Variants in FAM107B observed in about 807,000 individuals in gnomAD.
FAM107B encodes family with sequence similarity 107 member B.
A neutral mutation model predicts 31.5 loss-of-function variants in FAM107B; 21 were observed. That is an observed-to-expected ratio of 0.67 (90% CI 0.47 to 0.96). The LOEUF is 0.96. Among genes scored for constraint, FAM107B ranks in the 40% least tolerant of loss-of-function variants. FAM107B has a pLI of 0.00. For missense variants in FAM107B, 452 were observed against 377.1 expected, an observed-to-expected ratio of 1.20 and a Z score of -1.64; for synonymous variants, 157 against 141.5, an observed-to-expected ratio of 1.11 and a Z score of -0.78.
chr10:14,628,669 G>C (rs1346652296), intron 2 of FAM107B, among the ~76,000 whole-genome samples: 1 of 152,140 alleles, frequency 6.6e-6, no homozygotes, highest in Non-Finnish European at 1.5e-5. Flanking sequence ...CAAACTCACA[G>C]TATTATTTGT....
intron 1 of FAM107B, among the ~76,000 whole-genome samples, chr10:14,696,630 C>G (rs1855272167): frequency 6.6e-6 from 1 of 152,112 alleles, no homozygotes; most frequent in African/African-American, 2.4e-5. Flanking sequence ...TCATCTGGTC[C>G]TGGGATTTTC....
chr10:14,634,612 A>G lies in FAM107B; in HGVS notation c.469+33022T>C, dbSNP rs868150862. Among the ~76,000 whole-genome samples, 4 of 151,946 alleles carry G rather than the reference A, an allele frequency of 2.6e-5. No homozygotes were observed. The South Asian group carries it at 6.2e-4, about 24-fold the overall frequency. ...CTTAAAAAAAGAAAAAAGAAAAAAA[A>G]CCCCAAAACCAACTACTTGAGTGAC... On this transcript the variant is annotated intron_variant, in intron 2 of 4. Coordinates refer to ENST00000181796, the MANE Select transcript of FAM107B (RefSeq NM_031453.4).
intron 1 of FAM107B, among the ~76,000 whole-genome samples, chr10:14,693,576 A>G (rs1361255924): frequency 1.3e-5 from 2 of 152,132 alleles, no homozygotes; most frequent in East Asian, 1.9e-4. Flanking sequence ...TACCTCACAT[A>G]GTTACTCTTT....
In FAM107B at chr10:14,774,467, T is replaced by C. The variant is rs942579653; in HGVS notation, c.197A>G (p.His66Arg). The C allele has an allele frequency of 1.9e-6, 3 of 1,614,016 alleles. No individual in the cohort carries two copies. The highest frequency in any genetic ancestry group is 2.7e-5 in the African/African-American group (2 of 74,900). The stretch of plus-strand genomic sequence containing the variant: ...CTCTGGAGCTCCTTCTGCGCTTGGG[T>C]GTCTTGGCTGTCTGCCTGCTTTGGC... ...PVAKAGRQPRHPSAEGAPEKR... is the reference protein window; with the variant it reads ...PVAKAGRQPRRPSAEGAPEKR... The change falls in exon 1 of 5, where the codon CAC becomes CGC. Residue 66 changes from histidine (H) to arginine (R), a missense_variant. Physicochemically the swap from His to Arg is conservative, Grantham distance 29. Transcript: ENST00000181796.
intron 2 of FAM107B, among the ~76,000 whole-genome samples, chr10:14,543,898 T>C (rs1162601726): frequency 6.6e-6 from 1 of 152,106 alleles, no homozygotes; most frequent in Non-Finnish European, 1.5e-5. Flanking sequence ...GCCCTACAGC[T>C]CTTGTCCCAC....
In FAM107B at chr10:14,767,024, GTATATATATATATATATATA is replaced by G. The variant is rs369321562; in HGVS notation, c.411+7209_411+7228del. Among the ~76,000 whole-genome samples the G allele has an allele frequency of 5.5e-4, 9 of 16,242 alleles. 1 individual carries two copies. The highest frequency in any genetic ancestry group is 0.014 in the South Asian group (2 of 144). The allele number at this position is 16,242 out of a possible 152,430, so 10.7% of individuals were successfully genotyped here. A position where few individuals can be genotyped will look rare whatever the true frequency, so the allele number is the denominator to read the frequency against. On this transcript the variant is annotated intron_variant, in intron 1 of 4. Transcript: ENST00000181796. Reference sequence around the variant, plus strand: ...GCAGAACAATATCCCTGATGTGTATGTATATATATATATATATATATATATATATATAGAGAGAGAGAGAG... The same window carrying G: ...GCAGAACAATATCCCTGATGTGTATGTATATATATATAGAGAGAGAGAGAG...
At chr10:14,605,692 C>T (rs1161609710) in intron 2 of FAM107B, among the ~76,000 whole-genome samples, 1 of 152,236 alleles carries the variant, frequency 6.6e-6, no homozygotes, top group Non-Finnish European at 1.5e-5. Flanking sequence ...TCCTTCCCAG[C>T]TGAGGAAGCT....
At chr10:14,643,130 T>C (rs909771309) in intron 2 of FAM107B, among the ~76,000 whole-genome samples, 3 of 152,256 alleles carry the variant, frequency 2.0e-5, no homozygotes, top group South Asian at 4.1e-4. Flanking sequence ...GATAGACAGA[T>C]AGATAGCTTT....
intron 2 of FAM107B, among the ~76,000 whole-genome samples, chr10:14,581,086 C>T (rs960304696): frequency 3.9e-5 from 6 of 152,166 alleles, no homozygotes; most frequent in African/African-American, 7.2e-5. Flanking sequence ...TTCTAGCGGC[C>T]GGGCCAGGGG....
At chr10:14,729,144 T>C (rs1180495058) in intron 1 of FAM107B, among the ~76,000 whole-genome samples, 1 of 152,032 alleles carries the variant, frequency 6.6e-6, no homozygotes, top group Non-Finnish European at 1.5e-5. Flanking sequence ...AGATGTGCAT[T>C]GTCATACCTG....
chr10:14,565,674 C>T (rs1022818285), intron 2 of FAM107B, among the ~76,000 whole-genome samples: 5 of 152,184 alleles, frequency 3.3e-5, no homozygotes, highest in Non-Finnish European at 5.9e-5. Context: ...CAAAATCCTA[C>T]AGCAAACGAA....
intron 2 of FAM107B, among the ~76,000 whole-genome samples, chr10:14,565,464 C>T (rs556382728): frequency 2.0e-4 from 30 of 152,028 alleles, no homozygotes; most frequent in African/African-American, 5.6e-4. Context: ...CCAGACTCCC[C>T]GGGGAAAGAA....
chr10:14,672,207 G>C (rs1485481450), intron 1 of FAM107B, among the ~76,000 whole-genome samples: 3 of 151,710 alleles, frequency 2.0e-5, no homozygotes, highest in African/African-American at 7.3e-5. Context: ...TCCTGCCTCA[G>C]CCTCCCGAGC....
chr10:14,673,925 C>G (rs2131483500), intron 1 of FAM107B, among the ~76,000 whole-genome samples: 1 of 152,216 alleles, frequency 6.6e-6, no homozygotes, highest in East Asian at 1.9e-4. Context: ...TGAGAAATGC[C>G]TATTCCAATC....
intron 2 of FAM107B, among the ~76,000 whole-genome samples, chr10:14,594,257 G>A (rs113871809): frequency 1.7e-4 from 26 of 152,254 alleles, no homozygotes; most frequent in Admixed American, 1.2e-3. Context: ...GCTCACACCC[G>A]TACTTTGGGA....
At chr10:14,655,971 A>G (rs953869805) in intron 2 of FAM107B, among the ~76,000 whole-genome samples, 1 of 152,174 alleles carries the variant, frequency 6.6e-6, no homozygotes, top group Non-Finnish European at 1.5e-5. Flanking sequence ...GGTCACAGGC[A>G]CTGAAGTGAA....
At chr10:14,744,889 C>T (rs1397902873) in intron 1 of FAM107B, among the ~76,000 whole-genome samples, 3 of 151,986 alleles carry the variant, frequency 2.0e-5, no homozygotes, top group Non-Finnish European at 4.4e-5. Context: ...ACTGTCTGGT[C>T]CTGGGTAGTT....
At chr10:14,671,797 CA>C (rs1352513034) in intron 1 of FAM107B, among the ~76,000 whole-genome samples, 1 of 150,704 alleles carries the variant, frequency 6.6e-6, no homozygotes, top group African/African-American at 2.4e-5. Flanking sequence ...AACTAAGCCC[CA>C]AATTCAGCCA....
intron 2 of FAM107B, among the ~76,000 whole-genome samples, chr10:14,557,095 C>A (rs1264733517): frequency 6.6e-6 from 1 of 152,250 alleles, no homozygotes; most frequent in East Asian, 1.9e-4. Flanking sequence ...CCTTCTCAGT[C>A]TGTATTTCAA....
Sources: allele counts gnomAD v4.1 joint callset (sites outside exome capture counted in the v4.1 genomes callset), GRCh38; gene constraint gnomAD v4.1.1; transcripts MANE v1.5; gene names NCBI Gene and HGNC (gene_info 2026-07-23, HGNC 2026-07-21).